Variants in PRPH2 observed in about 807,000 individuals in gnomAD.
PRPH2 encodes the protein peripherin 2.
Under a neutral mutation model 31.3 loss-of-function variants are expected in PRPH2, and 17 were observed. The observed-to-expected ratio is 0.54, with a 90% CI of 0.37 to 0.81. PRPH2 has a LOEUF of 0.81. PRPH2 is among the 40% of genes least tolerant of loss of function. PRPH2 has a pLI of 0.00. For synonymous variants in PRPH2, 165 were observed against 184.4 expected (o/e 0.89, Z 0.85); for missense variants, 430 against 439.7 (o/e 0.98, Z 0.20).
chr6:42,704,349 C>A lies in PRPH2; in HGVS notation c.828+16G>T. ...GGCTCTCCTTACCCTCTACCCCCAGCTGGCCCAGGGCCTACCTCGAAGAGC... is the reference window on the plus strand; with the variant it reads ...GGCTCTCCTTACCCTCTACCCCCAGATGGCCCAGGGCCTACCTCGAAGAGC... On this transcript the variant is annotated intron_variant, in intron 2 of 2. Coordinates refer to ENST00000230381, the MANE Select transcript of PRPH2 (RefSeq NM_000322.5). 2 of 1,604,856 alleles carry A rather than the reference C, an allele frequency of 1.2e-6. No homozygotes were observed. Among genetic ancestry groups the A allele is most frequent in the Non-Finnish European group, 1.7e-6 (2 of 1,175,824 alleles).
intron 1 of PRPH2, 104 bp from the exon 2 acceptor site, chr6:42,704,715 G>A: frequency 2.0e-6 from 3 of 1,529,388 alleles, no homozygotes; most frequent in Non-Finnish European, 1.8e-6. Flanking sequence ...TCATTCACTC[G>A]CACACTTGGT....
intron 1 of PRPH2, among the ~76,000 whole-genome samples, chr6:42,705,599 A>AAAAAAAAATATATATATAT (rs1562424252): frequency 4.6e-5 from 1 of 21,588 alleles, no homozygotes; most frequent in Non-Finnish European, 8.4e-5. Context: ...AAAAAAAAAA[A>AAAAAAAAATATATATATAT]ATATATATAT....
intron 1 of PRPH2, among the ~76,000 whole-genome samples, chr6:42,715,894 G>A (rs891665805): frequency 6.6e-6 from 1 of 152,116 alleles, no homozygotes; most frequent in African/African-American, 2.4e-5. Context: ...GGGCACAAGT[G>A]GGGAGGTCCT....
intron 1 of PRPH2, among the ~76,000 whole-genome samples, chr6:42,721,377 T>G (rs1333762486): frequency 6.6e-6 from 1 of 152,184 alleles, no homozygotes. Flanking sequence ...ATGGGACAAA[T>G]AGCCAAATAG....
chr6:42,721,441 C>T (rs1328796111), intron 1 of PRPH2, among the ~76,000 whole-genome samples: 5 of 152,178 alleles, frequency 3.3e-5, no homozygotes, highest in Non-Finnish European at 7.3e-5. Context: ...ATAAAGTGGA[C>T]ACACATTGCT....
rs781212034 is a variant in PRPH2, at chr6:42,704,387, G to C, written c.806C>G (p.Thr269Arg). 2 of 1,609,394 alleles carry C rather than the reference G, an allele frequency of 1.2e-6. No individual in the cohort carries two copies. Among genetic ancestry groups the C allele is most frequent in the East Asian group, 2.2e-5 (1 of 44,626 alleles). ...TACCTCGAAGAGCCAAATGAGGAGC[G>C]TGACGACACCCATGGAGTTCATGAG... ...SSLMNSMGVV[T>R]LLIWLFEVTI... The change falls in exon 2 of 3, where the codon ACG becomes AGG. Residue 269 changes from threonine to arginine, a missense_variant. By Grantham distance (71) the Thr-to-Arg change is moderately conservative. Transcript: ENST00000230381.
chr6:42,709,017 C>T (rs1470648057), intron 1 of PRPH2, among the ~76,000 whole-genome samples: 1 of 152,142 alleles, frequency 6.6e-6, no homozygotes, highest in East Asian at 1.9e-4. Flanking sequence ...AGGGCAAGGC[C>T]TCGCCCAAAG....
chr6:42,717,278 G>C (rs1022372992), intron 1 of PRPH2, among the ~76,000 whole-genome samples: 14 of 151,896 alleles, frequency 9.2e-5, no homozygotes, highest in Non-Finnish European at 1.9e-4. Flanking sequence ...TAAATAGGTG[G>C]ACATGGTGGC....
In PRPH2 at chr6:42,705,581, AAAAAAAAAAAAAAAAAAAATATATATAT is replaced by A. The variant is rs1457797348; in HGVS notation, c.582-998_582-971del. ...ACAGAACAAGACTTTCTCTAAAAAA[AAAAAAAAAAAAAAAAAAAATATATATAT>A]ATATATATATATATATATATATTTG... On this transcript the variant is annotated intron_variant, in intron 1 of 2. Transcript: ENST00000230381. Among the ~76,000 whole-genome samples the A allele has an allele frequency of 5.1e-4, 30 of 58,790 alleles. 1 individual carries two copies. Among genetic ancestry groups the A allele is most frequent in the Non-Finnish European group, 6.6e-4 (22 of 33,182 alleles). The allele number at this position is 58,790 out of a possible 152,430, so 38.6% of individuals were successfully genotyped here. A position where few individuals can be genotyped will look rare whatever the true frequency, so the allele number is the denominator to read the frequency against.
rs909962358 is a variant in PRPH2 at position 42,696,647 on chromosome 6, T to C, written c.*1648A>G. The C allele has an allele frequency of 2.0e-5, 3 of 152,236 alleles. No homozygotes were observed. Among genetic ancestry groups the C allele is most frequent in the Non-Finnish European group, 4.4e-5 (3 of 68,050 alleles). 9.4% of individuals were successfully genotyped at this position (152,236 alleles called of 1,614,324 possible). On this transcript the variant is annotated 3_prime_UTR_variant, in exon 3 of 3. Transcript: ENST00000230381. ...TATCTATTGACAGCTGTTAACAGCA[T>C]AGTTACACTTGTGGGCCTAGAGCAG...
intron 1 of PRPH2, among the ~76,000 whole-genome samples, chr6:42,707,168 G>A (rs978353756): frequency 1.3e-5 from 2 of 152,004 alleles, no homozygotes; most frequent in Admixed American, 6.6e-5. Context: ...CCAAAGTGCT[G>A]GGATTACAGG....
chr6:42,719,768 C>A (rs1030561869), intron 1 of PRPH2, among the ~76,000 whole-genome samples: 1 of 151,052 alleles, frequency 6.6e-6, no homozygotes, highest in Admixed American at 6.6e-5. Flanking sequence ...GGGGTTTCTC[C>A]GTGTTGGTCA....
chr6:42,715,170 C>T (rs978710941), intron 1 of PRPH2, among the ~76,000 whole-genome samples: 7 of 152,190 alleles, frequency 4.6e-5, no homozygotes, highest in Middle Eastern at 3.4e-3. Context: ...GATCGTGCCA[C>T]TGCACTCCAG....
At chr6:42,707,711 C>A (rs568083283) in intron 1 of PRPH2, among the ~76,000 whole-genome samples, 1 of 152,228 alleles carries the variant, frequency 6.6e-6, no homozygotes, top group East Asian at 1.9e-4. Flanking sequence ...ATGTTGACTT[C>A]CGCCTATTAT....
chr6:42,715,836 A>G (rs900231100), intron 1 of PRPH2, among the ~76,000 whole-genome samples: 3 of 152,156 alleles, frequency 2.0e-5, no homozygotes, highest in Non-Finnish European at 2.9e-5. Flanking sequence ...CTCCATGCTT[A>G]CTGAGGCAAT....
At chr6:42,705,598 AAATATATATATATATAT>A (rs1326082593) in intron 1 of PRPH2, among the ~76,000 whole-genome samples, 1 of 8,920 alleles carries the variant, frequency 1.1e-4, no homozygotes, top group Non-Finnish European at 2.0e-4. Flanking sequence ...AAAAAAAAAA[AAATATATATATATATAT>A]ATATATATAT....
At chr6:42,710,827 C>T (rs1158680614) in intron 1 of PRPH2, among the ~76,000 whole-genome samples, 1 of 152,182 alleles carries the variant, frequency 6.6e-6, no homozygotes, top group African/African-American at 2.4e-5. Flanking sequence ...GGGCAATGAG[C>T]AGGGGTATAC....
intron 1 of PRPH2, among the ~76,000 whole-genome samples, chr6:42,721,073 C>T (rs1044452003): frequency 2.6e-5 from 4 of 152,202 alleles, no homozygotes; most frequent in Admixed American, 6.5e-5. Flanking sequence ...TGCATGCCAG[C>T]TACCAGGCAG....
chr6:42,709,069 G>A (rs1456556802), intron 1 of PRPH2, among the ~76,000 whole-genome samples: 2 of 152,208 alleles, frequency 1.3e-5, no homozygotes, highest in African/African-American at 2.4e-5. Flanking sequence ...GGTGGCTCAC[G>A]CCTGTAATCC....
Sources: gnomAD v4.1 joint callset for allele counts (sites outside exome capture counted in the v4.1 genomes callset) on GRCh38, gnomAD v4.1.1 for gene constraint, MANE v1.5 for transcripts, NCBI Gene and HGNC (gene_info 2026-07-23, HGNC 2026-07-21) for gene names.